Variants in COQ8B observed in about 807,000 individuals in gnomAD.
COQ8B encodes the protein coenzyme Q8B.
Under a neutral mutation model 62.0 loss-of-function variants are expected in COQ8B, and 44 were observed. That is an observed-to-expected ratio of 0.71 (90% CI 0.56 to 0.91). The LOEUF (loss-of-function observed/expected upper bound fraction) is 0.91, where lower values mean the gene tolerates loss of function less well. Ranked by LOEUF, COQ8B falls within the 40% of genes least tolerant of loss-of-function variation. COQ8B has a pLI of 0.00. For synonymous variants in COQ8B, 252 were observed against 289.9 expected (o/e 0.87, Z 1.33); for missense variants, 649 against 731.6 (o/e 0.89, Z 1.30).
Position 40,692,055 on chromosome 19 carries a change from A to T in COQ8B, c.1615T>A (p.Ser539Thr). 6.2e-7 allele frequency: 1 copy of T among 1,605,468 alleles called. No individual in the cohort carries two copies. Among genetic ancestry groups the T allele is most frequent in the East Asian group, 2.2e-5 (1 of 44,550 alleles). Residue 539 changes from serine (S) to threonine (T), a missense_variant, in exon 15 of 15, where the codon TCC becomes ACC. Transcript: ENST00000324464. ...GGCTGTCATGAGGGATCCACCCAGGAGTCCCCTTTGGTGGGGAGGCTGCCG... is the reference window on the plus strand; with the variant it reads ...GGCTGTCATGAGGGATCCACCCAGGTGTCCCCTTTGGTGGGGAGGCTGCCG... ...TAGSLPTKGD[S>T]WVDPS
intron 9 of COQ8B, among the ~76,000 whole-genome samples, chr19:40,702,999 C>G (rs977842190): frequency 2.0e-5 from 3 of 152,138 alleles, no homozygotes; most frequent in Non-Finnish European, 4.4e-5. Flanking sequence ...TCCCCGGGGT[C>G]TTCCGAAGCC....
At chr19:40,700,202 T>G in intron 11 of COQ8B, 28 bp from the exon 12 acceptor site, 1 of 1,613,790 alleles carries the variant, frequency 6.2e-7, no homozygotes, top group Admixed American at 1.7e-5. Flanking sequence ...AACAGGCATC[T>G]CAGTGTGATC....
In COQ8B at chr19:40,692,069, G is replaced by A; in HGVS notation, c.1601C>T (p.Pro534Leu). 1 of 1,607,826 alleles carries A rather than the reference G, an allele frequency of 6.2e-7. No homozygotes were observed. Among genetic ancestry groups the A allele is most frequent in the South Asian group, 1.1e-5 (1 of 89,758 alleles). ...QPDAATAGSLPTKGDSWVDPS is the reference protein window; with the variant it reads ...QPDAATAGSLLTKGDSWVDPS ...ATCCACCCAGGAGTCCCCTTTGGTG[G>A]GGAGGCTGCCGGCAGTGGCTGCGTC... The change falls in exon 15 of 15, where the codon CCC becomes CTC. Residue 534 changes from proline to leucine, a missense_variant. Coordinates refer to ENST00000324464, the MANE Select transcript of COQ8B (RefSeq NM_024876.4).
intron 13 of COQ8B, 138 bp from the exon 14 acceptor site, chr19:40,693,175 C>T (rs949031475): frequency 2.9e-6 from 2 of 678,660 alleles, no homozygotes; most frequent in Non-Finnish European, 5.0e-6. Context: ...CTGGAAGCTT[C>T]CTGCTCCCAA....
At chr19:40,707,721 C>T (rs1361531616) in intron 5 of COQ8B, among the ~76,000 whole-genome samples, 1 of 152,200 alleles carries the variant, frequency 6.6e-6, no homozygotes, top group Non-Finnish European at 1.5e-5. Context: ...TGCCAAAGTG[C>T]TGGGATTACA....
rs1280437867 is a variant in COQ8B at position 40,714,216 on chromosome 19, C to G, written c.222+62G>C. On this transcript the variant is annotated intron_variant, in intron 3 of 14. Coordinates refer to ENST00000324464, the MANE Select transcript of COQ8B (RefSeq NM_024876.4). Reference sequence around the variant, plus strand: ...CAGCCACTCTGCCACCACACCCTTCCCCAAGCTCAGGGGGCCAGCAGTATT... The same window carrying G: ...CAGCCACTCTGCCACCACACCCTTCGCCAAGCTCAGGGGGCCAGCAGTATT... 3.7e-6 allele frequency: 6 copies of G among 1,606,486 alleles called. No individual in the cohort carries two copies. In the African/African-American group the frequency reaches 8.0e-5, roughly 21 times the overall value.
chr19:40,715,254 G>C (rs1228934298), intron 1 of COQ8B: 1 of 985,560 alleles, frequency 1.0e-6, no homozygotes, highest in Non-Finnish European at 1.2e-6. Context: ...GGTGGGCATC[G>C]GGGGCCCATC....
chr19:40,714,429 G>C, intron 2 of COQ8B, 32 bp from the exon 3 acceptor site: 1 of 1,612,564 alleles, frequency 6.2e-7, no homozygotes. Context: ...AAGGAGGGGA[G>C]GACATGGGAT....
At chr19:40,692,645 G>A (rs1381771550) in intron 14 of COQ8B, among the ~76,000 whole-genome samples, 1 of 151,902 alleles carries the variant, frequency 6.6e-6, no homozygotes, top group African/African-American at 2.4e-5. Context: ...AGCGGCCTTC[G>A]CCCCTCCTGA....
Position 40,705,082 on chromosome 19 carries a change from C to G in COQ8B, c.576+14G>C, listed in dbSNP as rs374201690. On this transcript the variant is annotated intron_variant, in intron 7 of 14. Coordinates refer to ENST00000324464, the MANE Select transcript of COQ8B (RefSeq NM_024876.4). ...GCCTGCCTCCCTCACCGCCCTCCCC[C>G]ACTGGGCACTCACCAGCATCTGCCA... The G allele has an allele frequency of 4.4e-6, 7 of 1,595,964 alleles. No individual in the cohort carries two copies. The highest frequency in any genetic ancestry group is 3.5e-5 in the Admixed American group (2 of 57,316).
intron 4 of COQ8B, among the ~76,000 whole-genome samples, chr19:40,710,756 T>G (rs1461155261): frequency 6.6e-6 from 1 of 152,074 alleles, no homozygotes; most frequent in Non-Finnish European, 1.5e-5. Context: ...CTCCCCAAAT[T>G]CTGATTAAAT....
intron 10 of COQ8B, among the ~76,000 whole-genome samples, chr19:40,702,071 C>T (rs2082064856): frequency 6.6e-6 from 1 of 152,174 alleles, no homozygotes; most frequent in Non-Finnish European, 1.5e-5. Context: ...GACAAGCGTT[C>T]TAGAACAGTC....
intron 1 of COQ8B, among the ~76,000 whole-genome samples, chr19:40,716,138 G>T (rs949721668): frequency 6.6e-6 from 1 of 152,020 alleles, no homozygotes; most frequent in Non-Finnish European, 1.5e-5. Flanking sequence ...GTACTAGGTG[G>T]GCTCCTGCCT....
chr19:40,702,139 G>A (rs1415479522), intron 10 of COQ8B, among the ~76,000 whole-genome samples: 1 of 152,106 alleles, frequency 6.6e-6, no homozygotes, highest in African/African-American at 2.4e-5. Flanking sequence ...GGCAATCGTT[G>A]GCTTGCAGAG....
rs947955414 is a variant in COQ8B, at chr19:40,692,360, G to A, written c.1310C>T (p.Ala437Val). 6.2e-7 allele frequency: 1 copy of A among 1,613,258 alleles called. No individual in the cohort carries two copies. Among genetic ancestry groups the A allele is most frequent in the African/African-American group, 1.3e-5 (1 of 74,876 alleles). Residue 437 changes from alanine (A) to valine (V), a missense_variant, in exon 15 of 15, where the codon GCC (alanine) becomes GTC (valine). By Grantham distance (64) the Ala-to-Val change is moderately conservative (BLOSUM62 0). Transcript: ENST00000324464. ...CAGGATCATCACTGCCTCCACGTGG[G>A]CGTCGGAGAATGCCTGGGAGTGGGG... Reference protein sequence around the residue: ...TGFETKAFSDAHVEAVMILGE... With the variant: ...TGFETKAFSDVHVEAVMILGE...
chr19:40,710,179 T>A (rs1321417885), intron 4 of COQ8B, 43 bp from the exon 5 acceptor site: 2 of 1,583,588 alleles, frequency 1.3e-6, no homozygotes, highest in South Asian at 2.2e-5. Flanking sequence ...TTGCCTGGGG[T>A]GCCCCCAGCC....
intron 12 of COQ8B, among the ~76,000 whole-genome samples, chr19:40,697,502 T>C (rs1436604845): frequency 6.6e-6 from 1 of 152,040 alleles, no homozygotes; most frequent in Non-Finnish European, 1.5e-5. Flanking sequence ...AGTAAGAAAT[T>C]GTTTCTACTG....
chr19:40,712,412 GAAAA>G (rs797020409), intron 4 of COQ8B, among the ~76,000 whole-genome samples: 4 of 104,088 alleles, frequency 3.8e-5, no homozygotes, highest in Non-Finnish European at 8.2e-5. Flanking sequence ...GTCTCCCTAA[GAAAA>G]AAAAAAAAAA....
At chr19:40,712,784 G>A (rs141626255) in intron 4 of COQ8B, among the ~76,000 whole-genome samples, 51 of 152,128 alleles carry the variant, frequency 3.4e-4, no homozygotes, top group Non-Finnish European at 4.3e-4. Flanking sequence ...TGACTTGCAC[G>A]ACATCCGGCT....
Sources: allele counts gnomAD v4.1 joint callset (sites outside exome capture counted in the v4.1 genomes callset), GRCh38; gene constraint gnomAD v4.1.1; transcripts MANE v1.5; gene names NCBI Gene and HGNC (gene_info 2026-07-23, HGNC 2026-07-21).